The following PRPF31 variants were observed in gnomAD, a reference collection of about 807,000 sequenced individuals.
The protein encoded by PRPF31 is pre-mRNA processing factor 31, also known as U4/U6 small nuclear ribonucleoprotein Prp31.
A neutral mutation model predicts 60.4 loss-of-function variants in PRPF31; 12 were observed. The ratio of observed to expected loss-of-function variants is 0.20; its 90% CI spans 0.13 to 0.32. The LOEUF is 0.32. PRPF31 is among the 10% of genes least tolerant of loss of function. PRPF31 has a pLI of 1.00. For missense variants in PRPF31, 431 were observed against 687.1 expected (o/e 0.63, Z 4.17); for synonymous variants, 287 against 287.9 (o/e 1.00, Z 0.03).
At chr19:54,118,661 C>T (rs181728404) in intron 3 of PRPF31, 28 bp downstream of exon 3, 1 of 1,611,732 alleles carries the variant, frequency 6.2e-7, no homozygotes, top group Non-Finnish European at 8.5e-7. Flanking sequence ...GTGCCCCTCC[C>T]CATCTCCTGT....
intron 1 of PRPF31, among the ~76,000 whole-genome samples, chr19:54,116,352 G>T (rs999087291): frequency 1.3e-5 from 2 of 151,102 alleles, no homozygotes; most frequent in Non-Finnish European, 2.9e-5. Context: ...TTACAGGCGC[G>T]CACCACCACG....
chr19:54,120,256 G>C (rs1393403796), intron 3 of PRPF31: 1 of 152,236 alleles, frequency 6.6e-6, no homozygotes, highest in East Asian at 1.9e-4. Flanking sequence ...ATGGGACACA[G>C]AAAGTGACAT....
At chr19:54,123,987 C>T (rs1326776271) in intron 7 of PRPF31, 69 bp downstream of exon 7, 1 of 1,601,770 alleles carries the variant, frequency 6.2e-7, no homozygotes, top group Non-Finnish European at 8.5e-7. Context: ...AAGCTACATC[C>T]TTTTCTGTAG....
intron 9 of PRPF31, among the ~76,000 whole-genome samples, chr19:54,127,063 T>G (rs2146438919): frequency 6.6e-6 from 1 of 152,280 alleles, no homozygotes; most frequent in South Asian, 2.1e-4. Context: ...GAGGTTGCAG[T>G]GAACTGAGAT....
chr19:54,127,801 G>T (rs1168968490), intron 9 of PRPF31, among the ~76,000 whole-genome samples: 1 of 152,186 alleles, frequency 6.6e-6, no homozygotes, highest in African/African-American at 2.4e-5. Context: ...GGGTGTGGGG[G>T]TGCAGCTGTG....
intron 3 of PRPF31, among the ~76,000 whole-genome samples, chr19:54,121,497 C>T (rs1283662191): frequency 4.6e-5 from 7 of 152,124 alleles, no homozygotes; most frequent in Non-Finnish European, 8.8e-5. Flanking sequence ...CCTGGGTACT[C>T]GGCTGTGGGT....
chr19:54,122,634 G>A (rs1268948544), intron 5 of PRPF31, 40 bp downstream of exon 5: 1 of 1,512,540 alleles, frequency 6.6e-7, no homozygotes, highest in Non-Finnish European at 9.2e-7. Flanking sequence ...CTGGCGTGAA[G>A]GGGCAGGCGG....
At position 54,121,936 on chromosome 19, in the gene PRPF31, C is replaced by T. The variant is rs764545115; in HGVS notation, c.315C>T (p.Asn105=). 2.9e-5 allele frequency: 47 copies of T among 1,611,578 alleles called. No homozygotes were observed. The highest frequency in any genetic ancestry group is 5.3e-5 in the African/African-American group (4 of 74,870). ...ACAACCTGACCGTGGAGATCGAAAA[C>T]GAGCTGAGTGAGTGCTGGGGGGCAG... ...DANNLTVEIE[N]ELNIIHKFIR... is the part of the protein sequence containing the mutation. Residue 105 remains asparagine, a synonymous_variant, in exon 4 of 14, where the codon AAC becomes AAT. Coordinates refer to ENST00000321030, the MANE Select transcript of PRPF31 (RefSeq NM_015629.4).
Position 54,123,765 on chromosome 19 carries a change from G to A in PRPF31, c.544G>A (p.Glu182Lys), listed in dbSNP as rs771586861. 1.5e-5 allele frequency: 24 copies of A among 1,611,226 alleles called. No homozygotes were observed. Among genetic ancestry groups the A allele is most frequent in the Non-Finnish European group, 1.4e-5 (17 of 1,179,584 alleles). ...CCCCTGCAGGCAGCAGCTGTCGGAG[G>A]AGGAGCTGGAGCGGCTGGAGGAGGC... Reference protein sequence around the residue: ...STTQGQQLSEEELERLEEACD... With the variant: ...STTQGQQLSEKELERLEEACD... The change falls in exon 7 of 14, where the codon GAG becomes AAG. Residue 182 changes from glutamate to lysine, a missense_variant. By Grantham distance (56) the Glu-to-Lys change is moderately conservative. Coordinates refer to ENST00000321030, the MANE Select transcript of PRPF31 (RefSeq NM_015629.4).
In PRPF31 at chr19:54,124,665, A is replaced by G. The variant is rs775582821; in HGVS notation, c.855+9A>G. ...TGCAGTCCCTGCCACCGGTGAGCCCACTGCGTCATGGCCCCTCCCCCGGCC... is the reference window on the plus strand; with the variant it reads ...TGCAGTCCCTGCCACCGGTGAGCCCGCTGCGTCATGGCCCCTCCCCCGGCC... On this transcript the variant is annotated intron_variant, in intron 8 of 13. Transcript: ENST00000321030. 2 of 1,611,770 alleles carry G rather than the reference A, an allele frequency of 1.2e-6. No homozygotes were observed. Among genetic ancestry groups the G allele is most frequent in the Admixed American group, 1.7e-5 (1 of 60,014 alleles).
At chr19:54,123,217 C>G (rs1568588851) in intron 5 of PRPF31, 1 of 600,440 alleles carries the variant, frequency 1.7e-6, no homozygotes, top group East Asian at 2.8e-5. Flanking sequence ...AGACGCCACT[C>G]TGCCCGGGCT....
Position 54,128,324 on chromosome 19 carries a change from C to T in PRPF31, c.1093C>T (p.Arg365Trp), listed in dbSNP as rs1489582905. ...CCCCAGGTACCGCAAGATGAAGGAG[C>T]GGCTGGGGCTGACGGAGATCCGGAA... ...GGRRYRKMKE[R>W]LGLTEIRKQA... Residue 365 changes from arginine (R) to tryptophan (W), a missense_variant, in exon 11 of 14, where the codon CGG becomes TGG. Physicochemically the swap from Arg to Trp is moderately radical, Grantham distance 101. Transcript: ENST00000321030. The T allele has an allele frequency of 1.4e-6, 2 of 1,393,672 alleles. No homozygotes were observed. The highest frequency in any genetic ancestry group is 1.9e-6 in the Non-Finnish European group (2 of 1,045,346). 86.3% of individuals were successfully genotyped at this position (1,393,672 alleles called of 1,614,324 possible).
chr19:54,124,098 ACT>A, intron 7 of PRPF31, 180 bp downstream of exon 7: 1 of 1,278,776 alleles, frequency 7.8e-7, no homozygotes, highest in Non-Finnish European at 1.1e-6. Flanking sequence ...TGGGAAAAAC[ACT>A]CACCCACAGC....
In PRPF31 at chr19:54,126,707, C is replaced by G. The variant is rs587698409; in HGVS notation, c.945+90C>G. The G allele has an allele frequency of 4.9e-5, 62 of 1,265,288 alleles. No individual in the cohort carries two copies. The African/African-American group carries it at 8.1e-4, about 17-fold the overall frequency. 78.4% of individuals were successfully genotyped at this position (1,265,288 alleles called of 1,614,324 possible). A position where few individuals can be genotyped will look rare whatever the true frequency, so the allele number is the denominator to read the frequency against. The stretch of plus-strand genomic sequence containing the variant: ...GGAGACCCTCAGCAGGGAGCCCACC[C>G]CAGCGAGCACTGTCCTACCAAGGCG... On this transcript the variant is annotated intron_variant, in intron 9 of 13. Transcript: ENST00000321030.
At chr19:54,121,467 C>T (rs1318961152) in intron 3 of PRPF31, among the ~76,000 whole-genome samples, 12 of 152,232 alleles carry the variant, frequency 7.9e-5, no homozygotes, top group African/African-American at 2.4e-4. Flanking sequence ...CGGGGGAACT[C>T]CCTGTGTGCC....
intron 9 of PRPF31, among the ~76,000 whole-genome samples, chr19:54,127,350 T>C (rs2073945666): frequency 6.7e-6 from 1 of 150,080 alleles, no homozygotes; most frequent in African/African-American, 2.5e-5. Context: ...CCCTCAGACC[T>C]CTCTCTGACT....
At chr19:54,118,183 A>G in intron 1 of PRPF31, 88 bp from the exon 2 acceptor site, 2 of 1,586,488 alleles carry the variant, frequency 1.3e-6, no homozygotes, top group East Asian at 2.2e-5. Context: ...AAGAAGGACC[A>G]GGGTCTTCTG....
chr19:54,118,676 C>G, intron 3 of PRPF31, 43 bp downstream of exon 3: 1 of 1,598,584 alleles, frequency 6.3e-7, no homozygotes, highest in Non-Finnish European at 8.6e-7. Flanking sequence ...TCCTGTCTCT[C>G]CTGCCAGGCC....
At position 54,129,060 on chromosome 19, in the gene PRPF31, G is replaced by A. The variant is rs779962558; in HGVS notation, c.1150G>A (p.Glu384Lys). The A allele has an allele frequency of 1.9e-6, 3 of 1,572,036 alleles. No individual in the cohort carries two copies. Among genetic ancestry groups the A allele is most frequent in the South Asian group, 1.2e-5 (1 of 85,664 alleles). ...QANRMSFGEI[E>K]EDAYQEDLGF... ...GGGCGCCTCCTCTCCCCCCTAGATC[G>A]AGGAGGACGCCTACCAGGAGGACCT... is the stretch of plus-strand genomic sequence containing the variant. Residue 384 changes from glutamate (E) to lysine (K), a missense_variant, in exon 12 of 14, where the codon GAG becomes AAG. This residue lies in a region of PRPF31 where 314 missense variants were observed against 475.3 expected (regional missense o/e 0.66). Transcript: ENST00000321030.
Sources: allele counts gnomAD v4.1 joint callset (sites outside exome capture counted in the v4.1 genomes callset), GRCh38; gene constraint gnomAD v4.1.1; regional missense constraint gnomAD v4.1.1; transcripts MANE v1.5; gene names NCBI Gene and HGNC (gene_info 2026-07-23, HGNC 2026-07-21).